Variants in LINS1 observed in about 807,000 individuals in gnomAD.
LINS1 encodes protein Lines homolog 1.
A neutral mutation model predicts 41.6 loss-of-function variants in LINS1; 27 were observed. That is an observed-to-expected ratio of 0.65 (90% CI 0.48 to 0.89). LINS1 has a LOEUF of 0.89. Among genes scored for constraint, LINS1 ranks in the 40% least tolerant of loss-of-function variants. The pLI, the probability that LINS1 is intolerant of heterozygous loss-of-function variation, is 0.00. For synonymous variants in LINS1, 336 were observed against 312.9 expected, an observed-to-expected ratio of 1.07 and a Z score of -0.78; for missense variants, 955 against 884.1, an observed-to-expected ratio of 1.08 and a Z score of -1.02.
chr15:100,580,756 G>A lies in LINS1; in HGVS notation c.87C>T (p.Ile29=). The A allele has an allele frequency of 1.2e-6, 2 of 1,610,004 alleles. No individual in the cohort carries two copies. The highest frequency in any genetic ancestry group is 1.7e-5 in the Admixed American group (1 of 59,772). The change falls in exon 2 of 7, where the codon ATC becomes ATT. Residue 29 remains isoleucine, a synonymous_variant. Transcript: ENST00000314742. ...CTGAAACTGCTGGGTTGAGATAAAA[G>A]ATGTAATCATGGCTGTCATTTTCAA... ...ATLENDSHDY[I]FYLNPAVSDQ... is the part of the protein sequence containing the mutation.
In LINS1 at chr15:100,601,153, G is replaced by A. The variant is rs188588805; in HGVS notation, c.-104+968C>T. Among the ~76,000 whole-genome samples, 274 of 152,298 alleles carry A rather than the reference G, an allele frequency of 1.8e-3. 1 individual carries two copies. Among genetic ancestry groups the A allele is most frequent in the African/African-American group, 5.5e-3 (229 of 41,556 alleles). On this transcript the variant is annotated intron_variant, in intron 1 of 6. Transcript: ENST00000314742. ...CTGGCTCTTTGTCATTCAGATCCCT[G>A]CTCAAATGTCACTTCCTCAGAGACC... is the stretch of plus-strand genomic sequence containing the variant.
At chr15:100,583,916 A>T (rs1389901622) in intron 1 of LINS1, among the ~76,000 whole-genome samples, 1 of 151,928 alleles carries the variant, frequency 6.6e-6, no homozygotes, top group Non-Finnish European at 1.5e-5. Context: ...TTTTCAAACT[A>T]CTGACACTAT....
At chr15:100,599,763 C>G (rs1240519592) in intron 1 of LINS1, among the ~76,000 whole-genome samples, 1 of 152,108 alleles carries the variant, frequency 6.6e-6, no homozygotes, top group Non-Finnish European at 1.5e-5. Context: ...TATATTTGAA[C>G]TGTTAAAAAG....
At chr15:100,580,146 G>T in intron 3 of LINS1, 117 bp downstream of exon 3, 2 of 803,472 alleles carry the variant, frequency 2.5e-6, no homozygotes, top group Non-Finnish European at 4.1e-6. Context: ...GATTGCTTGA[G>T]CCCAGAAGTT....
intron 3 of LINS1, among the ~76,000 whole-genome samples, chr15:100,577,179 C>A (rs1015835120): frequency 3.3e-5 from 5 of 152,138 alleles, no homozygotes; most frequent in African/African-American, 1.2e-4. Flanking sequence ...CTGGCCAGGG[C>A]AATTAGGCAG....
At position 100,574,257 on chromosome 15, in the gene LINS1, T is replaced by C. The variant is rs1454971142; in HGVS notation, c.632-16A>G. On this transcript the variant is annotated splice_polypyrimidine_tract_variant and intron_variant, in intron 4 of 6. Transcript: ENST00000314742. ...TTTAGAATTTCTGCAATTATAAAAA[T>C]AGGAATTATAAACAGGAAAAACAGT... 3.4e-6 allele frequency: 5 copies of C among 1,484,320 alleles called. No homozygotes were observed. Among genetic ancestry groups the C allele is most frequent in the Non-Finnish European group, 3.8e-6 (4 of 1,062,866 alleles). 91.9% of individuals were successfully genotyped at this position (1,484,320 alleles called of 1,614,324 possible).
chr15:100,594,402 C>G (rs1217421142), intron 1 of LINS1, among the ~76,000 whole-genome samples: 2 of 151,984 alleles, frequency 1.3e-5, no homozygotes, highest in Admixed American at 6.6e-5. Context: ...CTTGTGGGAT[C>G]AAATGTTGTT....
Position 100,575,032 on chromosome 15 carries a change from C to T in LINS1, c.586G>A (p.Ala196Thr), listed in dbSNP as rs1363552328. The change falls in exon 4 of 7, where the codon GCA (alanine) becomes ACA (threonine). Residue 196 changes from alanine (A) to threonine (T), a missense_variant. Coordinates refer to ENST00000314742, the MANE Select transcript of LINS1 (RefSeq NM_001040616.3). ...KAIYCLWTLT[A>T]IIKEIFKDSC... ...TCTTTAAAGATTTCTTTTATTATTG[C>T]TGTAAGAGTCCAGAGGCAGTATATT... is the stretch of plus-strand genomic sequence containing the variant. The T allele has an allele frequency of 1.2e-6, 2 of 1,612,782 alleles. No individual in the cohort carries two copies. The highest frequency in any genetic ancestry group is 2.2e-5 in the East Asian group (1 of 44,788).
chr15:100,575,700 A>C lies in LINS1; in HGVS notation c.490-572T>G, dbSNP rs547414127. On this transcript the variant is annotated intron_variant, in intron 3 of 6. Transcript: ENST00000314742. ...TAATAGACATCTACAGAACTCTCCA[A>C]CCCAAATCAACAGAATATACATTCT... Among the ~76,000 whole-genome samples, 337 of 152,186 alleles carry C rather than the reference A, an allele frequency of 2.2e-3. 3 individuals carry two copies. Among genetic ancestry groups the C allele is most frequent in the African/African-American group, 7.1e-3 (294 of 41,546 alleles).
intron 3 of LINS1, among the ~76,000 whole-genome samples, chr15:100,576,927 C>T (rs2038221668): frequency 6.6e-6 from 1 of 152,178 alleles, no homozygotes; most frequent in Admixed American, 6.5e-5. Context: ...ACAAAAACCA[C>T]ATGATTATCT....
intron 1 of LINS1, among the ~76,000 whole-genome samples, chr15:100,592,093 G>A (rs537696104): frequency 6.6e-6 from 1 of 152,254 alleles, no homozygotes; most frequent in East Asian, 1.9e-4. Flanking sequence ...TTTACATAGG[G>A]CATACACCAA....
rs1034457295 is a variant in LINS1 at position 100,580,538 on chromosome 15, C to T, written c.305G>A (p.Arg102Gln). 4.3e-6 allele frequency: 7 copies of T among 1,613,784 alleles called. No homozygotes were observed. In the East Asian group the frequency reaches 8.9e-5, roughly 21 times the overall value. ...QLTVIKVMTT[R>Q]ILSVKTEFHA... ...GAACTCGGTTTTGACAGACAATATCCGGGTTGTCATCACTTTGATCACTGT... is the reference window on the plus strand; with the variant it reads ...GAACTCGGTTTTGACAGACAATATCTGGGTTGTCATCACTTTGATCACTGT... The change falls in exon 2 of 7, where the codon CGG (arginine) becomes CAG (glutamine). Residue 102 changes from arginine to glutamine, a missense_variant. Physicochemically the swap from Arg to Gln is conservative, Grantham distance 43 (BLOSUM62 1). Transcript: ENST00000314742.
intron 1 of LINS1, among the ~76,000 whole-genome samples, chr15:100,581,771 G>C (rs772681962): frequency 3.3e-5 from 5 of 152,150 alleles, no homozygotes; most frequent in Non-Finnish European, 7.3e-5. Flanking sequence ...GATCTGTGAA[G>C]AACTGTCTGA....
intron 1 of LINS1, among the ~76,000 whole-genome samples, chr15:100,590,562 C>T (rs1357423313): frequency 6.6e-6 from 1 of 152,200 alleles, no homozygotes; most frequent in Non-Finnish European, 1.5e-5. Flanking sequence ...ATGTTTCCCT[C>T]ATGATAGGCT....
chr15:100,575,974 A>G (rs1174854662), intron 3 of LINS1, among the ~76,000 whole-genome samples: 3 of 152,238 alleles, frequency 2.0e-5, no homozygotes, highest in Non-Finnish European at 4.4e-5. Flanking sequence ...CTTTGAAACC[A>G]ACAAGAACAA....
rs1596872822 is a variant in LINS1 at position 100,569,915 on chromosome 15, T to C, written c.1597A>G (p.Lys533Glu). Residue 533 changes from lysine (K) to glutamate (E), a missense_variant, in exon 7 of 7, where the codon AAG becomes GAG. Lys to Glu is a moderately conservative substitution (Grantham distance 56). Coordinates refer to ENST00000314742, the MANE Select transcript of LINS1 (RefSeq NM_001040616.3). ...ATGGTGAAAAAATTATCCCAGTCCT[T>C]TTGCAGTAATTTTAAATATCTAACA... is the stretch of plus-strand genomic sequence containing the variant. ...YFVRYLKLLQKDWDNFFTICN... is the reference protein window; with the variant it reads ...YFVRYLKLLQEDWDNFFTICN... 4 of 1,603,012 alleles carry C rather than the reference T, an allele frequency of 2.5e-6. No individual in the cohort carries two copies. The highest frequency in any genetic ancestry group is 3.4e-6 in the Non-Finnish European group (4 of 1,173,506).
chr15:100,600,501 T>C (rs2039430796), intron 1 of LINS1, among the ~76,000 whole-genome samples: 2 of 125,078 alleles, frequency 1.6e-5, no homozygotes, highest in Non-Finnish European at 3.2e-5. Context: ...ACAATACTAA[T>C]AAAATACCGC....
rs1486500196 is a variant in LINS1 at position 100,602,128 on chromosome 15, C to CAGA, written c.-112_-111insTCT. 6.6e-6 allele frequency: 1 copy of CAGA among 152,366 alleles called. No homozygotes were observed. The highest frequency in any genetic ancestry group is 1.5e-5 in the Non-Finnish European group (1 of 68,158). 9.4% of individuals were successfully genotyped at this position (152,366 alleles called of 1,614,324 possible). On this transcript the variant is annotated 5_prime_UTR_variant, in exon 1 of 7. Transcript: ENST00000314742. ...CCGGTCCCGGTTACCTGCCTGGGAT[C>CAGA]TGGCTCAGGCGAACTCTCTTCACAC...
intron 5 of LINS1, 195 bp downstream of exon 5, chr15:100,573,456 C>T: frequency 1.1e-6 from 1 of 908,876 alleles, no homozygotes; most frequent in African/African-American, 1.7e-5. Context: ...TCATTGTAGG[C>T]ACAAAAAGCT....
Sources: gnomAD v4.1 joint callset for allele counts (sites outside exome capture counted in the v4.1 genomes callset) on GRCh38, gnomAD v4.1.1 for gene constraint, MANE v1.5 for transcripts, NCBI Gene and HGNC (gene_info 2026-07-23, HGNC 2026-07-21) for gene names.